Variants in TMTC1 observed in about 807,000 individuals in gnomAD.
TMTC1 encodes the protein protein O-mannosyl-transferase TMTC1.
A neutral mutation model predicts 104.8 loss-of-function variants in TMTC1; 73 were observed. The ratio of observed to expected loss-of-function variants is 0.70; its 90% confidence interval spans 0.58 to 0.85. The LOEUF (loss-of-function observed/expected upper bound fraction) is 0.85, where lower values mean the gene tolerates loss of function less well. Among genes scored for constraint, TMTC1 ranks in the 40% least tolerant of loss-of-function variants. TMTC1 has a pLI of 0.00. For synonymous variants in TMTC1, 434 were observed against 428.7 expected, an observed-to-expected ratio of 1.01 and a Z score of -0.15; for missense variants, 1,035 against 1,096.1, an observed-to-expected ratio of 0.94 and a Z score of 0.79.
At chr12:29,660,025 T>G in intron 5 of TMTC1, 1 of 1,453,462 alleles carries the variant, frequency 6.9e-7, no homozygotes, top group Non-Finnish European at 9.3e-7. Context: ...CCACCAATAA[T>G]CTCCACCCTT....
intron 5 of TMTC1, among the ~76,000 whole-genome samples, chr12:29,743,966 G>A (rs1488291484): frequency 3.3e-5 from 5 of 152,274 alleles, no homozygotes; most frequent in African/African-American, 1.2e-4. Flanking sequence ...ACCCACACAG[G>A]CCAGGGGTTG....
At chr12:29,529,513 T>C (rs1009808045) in intron 11 of TMTC1, among the ~76,000 whole-genome samples, 4 of 152,232 alleles carry the variant, frequency 2.6e-5, no homozygotes, top group Non-Finnish European at 5.9e-5. Flanking sequence ...CATTGTAATA[T>C]TGTAATAGTA....
At chr12:29,557,985 G>A (rs78064631) in intron 9 of TMTC1, among the ~76,000 whole-genome samples, 4 of 152,010 alleles carry the variant, frequency 2.6e-5, no homozygotes, top group South Asian at 2.1e-4. Context: ...CCAAAGGTAC[G>A]ATGAAGTCAA....
At chr12:29,675,131 A>C (rs2033036) in intron 5 of TMTC1, among the ~76,000 whole-genome samples, 83,674 of 151,948 alleles carry the variant, frequency 0.55, 23,277 homozygotes, top group African/African-American at 0.63. Flanking sequence ...TCAGCATGGT[A>C]CTTTGTACAG....
At position 29,604,285 on chromosome 12, in the gene TMTC1, C is replaced by T. The variant is rs888813605; in HGVS notation, c.1143G>A (p.Lys381=). 6.2e-7 allele frequency: 1 copy of T among 1,613,992 alleles called. No individual in the cohort carries two copies. Among genetic ancestry groups the T allele is most frequent in the Admixed American group, 1.7e-5 (1 of 60,026 alleles). Residue 381 remains lysine (K), a synonymous_variant, in exon 7 of 18, where the codon AAG becomes AAA. Coordinates refer to ENST00000539277, the MANE Select transcript of TMTC1 (RefSeq NM_001193451.2). ...CLAAFKRLEH[K]EVLVGLLFLV... The stretch of plus-strand genomic sequence containing the variant: ...GGAACAACAAGCCGACTAAAACCTC[C>T]TTGTGCTCCAGTCTCTGAAACACAC...
At chr12:29,644,834 G>T (rs1939195408) in intron 5 of TMTC1, among the ~76,000 whole-genome samples, 1 of 152,096 alleles carries the variant, frequency 6.6e-6, no homozygotes, top group Non-Finnish European at 1.5e-5. Flanking sequence ...CACCTGACTA[G>T]CTCACCTCAT....
At chr12:29,701,416 C>T (rs967742547) in intron 5 of TMTC1, among the ~76,000 whole-genome samples, 1 of 152,118 alleles carries the variant, frequency 6.6e-6, no homozygotes, top group Non-Finnish European at 1.5e-5. Flanking sequence ...GGAGGGCTCC[C>T]CTGACAAGAA....
intron 7 of TMTC1, among the ~76,000 whole-genome samples, chr12:29,593,799 G>A (rs1012670347): frequency 4.6e-5 from 7 of 152,182 alleles, no homozygotes; most frequent in Non-Finnish European, 7.3e-5. Flanking sequence ...AGAAATAAAA[G>A]TATTAACTGT....
intron 5 of TMTC1, chr12:29,658,581 A>T (rs1939867349): frequency 1.0e-5 from 2 of 191,666 alleles, no homozygotes; most frequent in Non-Finnish European, 1.1e-5. Context: ...TTATAACAAC[A>T]CCAACAGCAG....
chr12:29,533,538 G>A (rs1445897104), intron 11 of TMTC1: 1 of 152,126 alleles, frequency 6.6e-6, no homozygotes, highest in African/African-American at 2.4e-5. Flanking sequence ...GTGAGCTAGA[G>A]GATAATATAA....
At chr12:29,629,334 A>G (rs1435701664) in intron 6 of TMTC1, among the ~76,000 whole-genome samples, 1 of 151,996 alleles carries the variant, frequency 6.6e-6, no homozygotes, top group Non-Finnish European at 1.5e-5. Context: ...AAAGAAAAAA[A>G]AAAAGCTACC....
intron 1 of TMTC1, among the ~76,000 whole-genome samples, chr12:29,770,564 G>A (rs1309357263): frequency 2.0e-5 from 3 of 152,122 alleles, no homozygotes; most frequent in African/African-American, 7.2e-5. Context: ...ACACAAGAAT[G>A]CCTGGTGTAT....
chr12:29,691,720 GA>G lies in TMTC1; in HGVS notation c.939-58385del, dbSNP rs34338128. The stretch of plus-strand genomic sequence containing the variant: ...TAACAACTCATACACCCAAAAGTAG[GA>G]AAAAAAAAAAAAAAAAACCTACTTC... On this transcript the variant is annotated intron_variant, in intron 5 of 17. Transcript: ENST00000539277. Among the ~76,000 whole-genome samples, 222 of 109,442 alleles carry G rather than the reference GA, an allele frequency of 2.0e-3. 7 individuals are homozygous for G. Among genetic ancestry groups the G allele is most frequent in the South Asian group, 0.013 (45 of 3,442 alleles). 71.8% of individuals were successfully genotyped at this position (109,442 alleles called of 152,430 possible).
chr12:29,709,238 C>T (rs1316861664), intron 5 of TMTC1, among the ~76,000 whole-genome samples: 1 of 152,150 alleles, frequency 6.6e-6, no homozygotes, highest in Admixed American at 6.6e-5. Context: ...GTCAGACTGC[C>T]TGGATTCAAA....
intron 5 of TMTC1, among the ~76,000 whole-genome samples, chr12:29,714,312 C>A (rs946642469): frequency 6.6e-6 from 1 of 152,162 alleles, no homozygotes; most frequent in African/African-American, 2.4e-5. Context: ...CTTTGACGTG[C>A]AGCAGAAGTG....
chr12:29,750,364 C>T (rs1462531045), intron 5 of TMTC1, among the ~76,000 whole-genome samples: 1 of 152,142 alleles, frequency 6.6e-6, no homozygotes, highest in Non-Finnish European at 1.5e-5. Flanking sequence ...CCCTGCCTAA[C>T]TCTCTTCTGA....
At chr12:29,520,900 T>C (rs573892299) in intron 11 of TMTC1, 180 bp from the exon 12 acceptor site, 3 of 575,724 alleles carry the variant, frequency 5.2e-6, no homozygotes, top group East Asian at 5.8e-5. Context: ...ATTAACTGTG[T>C]ACAAAATACC....
chr12:29,641,997 C>A (rs1333165696), intron 5 of TMTC1, among the ~76,000 whole-genome samples: 1 of 152,022 alleles, frequency 6.6e-6, no homozygotes, highest in East Asian at 1.9e-4. Flanking sequence ...AAATTCAGAG[C>A]TCAAAGACAA....
chr12:29,518,799 T>C (rs1313903123), intron 12 of TMTC1, among the ~76,000 whole-genome samples, 192 bp from the exon 13 acceptor site: 1 of 152,250 alleles, frequency 6.6e-6, no homozygotes, highest in Non-Finnish European at 1.5e-5. Flanking sequence ...ATTTCACTGT[T>C]CATTCATACT....
Sources: gnomAD v4.1 joint callset for allele counts (sites outside exome capture counted in the v4.1 genomes callset) on GRCh38, gnomAD v4.1.1 for gene constraint, MANE v1.5 for transcripts, NCBI Gene and HGNC (gene_info 2026-07-23, HGNC 2026-07-21) for gene names.